Variants in STAB2 observed in about 807,000 individuals in gnomAD.
The protein encoded by STAB2 is stabilin 2.
In STAB2, 288 loss-of-function variants were observed where a neutral mutation model predicts 338.1. The observed-to-expected ratio is 0.85, with a 90% CI of 0.77 to 0.94. STAB2 has a LOEUF of 0.94. STAB2 is among the 40% of genes least tolerant of loss of function. The probability of loss-of-function intolerance (pLI) is 0.00; values close to 1 mark genes in which losing one functional copy is unlikely to be tolerated. For missense variants in STAB2, 3,141 were observed against 3,210.1 expected (o/e 0.98, Z 0.52); for synonymous variants, 1,202 against 1,193.3 (o/e 1.01, Z -0.15).
Position 103,761,409 on chromosome 12 carries a change from T to C in STAB2, c.7358T>C (p.Val2453Ala), listed in dbSNP as rs770625254. ...SRPLKAPPAP[V>A]TLTHTGLGAG... is the part of the protein sequence containing the mutation. ...CCTTTAAAAGCACCCCCTGCCCCCG[T>C]GGTGAGTATCTAGGGTCCCTGATAA... Residue 2453 changes from valine to alanine, a missense_variant and splice_region_variant, in exon 66 of 69, where the codon GTG becomes GCG. Transcript: ENST00000388887. 2 of 1,613,238 alleles carry C rather than the reference T, an allele frequency of 1.2e-6. No homozygotes were observed. Among genetic ancestry groups the C allele is most frequent in the South Asian group, 1.1e-5 (1 of 91,030 alleles).
At chr12:103,703,032 C>A in intron 34 of STAB2, 116 bp from the exon 35 acceptor site, 1 of 1,175,574 alleles carries the variant, frequency 8.5e-7, no homozygotes, top group Non-Finnish European at 1.2e-6. Context: ...ATTATATCTC[C>A]AGGTGAATAT....
At position 103,673,992 on chromosome 12, in the gene STAB2, C is replaced by A; in HGVS notation, c.2457C>A (p.Ala819=). 1 of 1,614,066 alleles carries A rather than the reference C, an allele frequency of 6.2e-7. No individual in the cohort carries two copies. The highest frequency in any genetic ancestry group is 8.5e-7 in the Non-Finnish European group (1 of 1,180,024). ...CLTGTCRDGS[A]GRLCDKQTSA... is the part of the protein sequence containing the mutation. The stretch of plus-strand genomic sequence containing the variant: ...CTGGCACATGCAGAGACGGCTCTGC[C>A]GGGAGACTCTGTGATAAGCAGACCT... The change falls in exon 23 of 69, where the codon GCC becomes GCA. Residue 819 remains alanine (A), a synonymous_variant. Coordinates refer to ENST00000388887, the MANE Select transcript of STAB2 (RefSeq NM_017564.10).
intron 9 of STAB2, among the ~76,000 whole-genome samples, chr12:103,641,192 T>G (rs1010473985): frequency 6.6e-6 from 1 of 152,218 alleles, no homozygotes; most frequent in Admixed American, 6.5e-5. Flanking sequence ...TTCACGCCTT[T>G]TATAACTGGG....
chr12:103,728,443 T>C (rs754226453), intron 47 of STAB2, among the ~76,000 whole-genome samples: 3 of 152,226 alleles, frequency 2.0e-5, no homozygotes, highest in Non-Finnish European at 4.4e-5. Flanking sequence ...TGGAGATACG[T>C]CATGATCTTC....
Position 103,712,424 on chromosome 12 carries a change from A to G in STAB2, c.4392A>G (p.Gly1464=). The G allele has an allele frequency of 6.2e-7, 1 of 1,614,024 alleles. No homozygotes were observed. The highest frequency in any genetic ancestry group is 8.5e-7 in the Non-Finnish European group (1 of 1,179,926). Residue 1464 remains glycine (G), a synonymous_variant, in exon 41 of 69, where the codon GGA becomes GGG. Coordinates refer to ENST00000388887, the MANE Select transcript of STAB2 (RefSeq NM_017564.10). ...ASCKCAAGFQ[G]NGTICTAINA... is the part of the protein sequence containing the mutation. ...GCAAGTGTGCAGCAGGATTCCAAGG[A>G]AACGGGACCATCTGCACAGGCAAGC...
At position 103,695,662 on chromosome 12, in the gene STAB2, T is replaced by A; in HGVS notation, c.3474+14T>A. ...GGCTACATCATTGCAAGTACCACAT[T>A]CTCTGCCTGACCACCATGCTCAGGT... On this transcript the variant is annotated intron_variant, in intron 32 of 68. Coordinates refer to ENST00000388887, the MANE Select transcript of STAB2 (RefSeq NM_017564.10). The A allele has an allele frequency of 6.2e-6, 10 of 1,614,174 alleles. No individual in the cohort carries two copies. The highest frequency in any genetic ancestry group is 7.6e-6 in the Non-Finnish European group (9 of 1,180,016).
intron 56 of STAB2, among the ~76,000 whole-genome samples, chr12:103,744,204 C>T (rs990141515): frequency 3.3e-5 from 5 of 151,920 alleles, no homozygotes; most frequent in Non-Finnish European, 5.9e-5. Context: ...AATACAGTGG[C>T]GGGATTATGG....
chr12:103,672,605 C>T (rs1443063161), intron 22 of STAB2, among the ~76,000 whole-genome samples: 2 of 152,210 alleles, frequency 1.3e-5, no homozygotes, highest in Non-Finnish European at 2.9e-5. Flanking sequence ...ACGAATTCCT[C>T]TCCCATGAGT....
At chr12:103,650,178 T>C (rs1253331860) in intron 10 of STAB2, among the ~76,000 whole-genome samples, 1 of 151,894 alleles carries the variant, frequency 6.6e-6, no homozygotes, top group Non-Finnish European at 1.5e-5. Flanking sequence ...AACTCAAAGT[T>C]AAGCGCAGGA....
At chr12:103,589,821 C>T (rs1027627342) in intron 1 of STAB2, among the ~76,000 whole-genome samples, 2 of 152,176 alleles carry the variant, frequency 1.3e-5, no homozygotes, top group African/African-American at 4.8e-5. Context: ...ACCTGTGATA[C>T]TTCAGACATT....
chr12:103,687,292 G>A (rs1315184891), intron 27 of STAB2, among the ~76,000 whole-genome samples: 1 of 151,852 alleles, frequency 6.6e-6, no homozygotes, highest in East Asian at 1.9e-4. Context: ...GATCCAAGAA[G>A]TGAACCCAGT....
intron 5 of STAB2, among the ~76,000 whole-genome samples, chr12:103,628,584 T>C (rs960683432): frequency 6.6e-6 from 1 of 152,230 alleles, no homozygotes; most frequent in Admixed American, 6.5e-5. Context: ...AGGTCCTTCC[T>C]TGCTTCTTTC....
chr12:103,711,808 TCA>T (rs1879887546), intron 40 of STAB2, among the ~76,000 whole-genome samples: 1 of 152,196 alleles, frequency 6.6e-6, no homozygotes, highest in Non-Finnish European at 1.5e-5. Flanking sequence ...CCAGTGGGCC[TCA>T]GTTTCCATAA....
chr12:103,652,186 TTCCCATC>T (rs749752208), intron 11 of STAB2, among the ~76,000 whole-genome samples: 9 of 152,258 alleles, frequency 5.9e-5, no homozygotes, highest in Non-Finnish European at 1.2e-4. Flanking sequence ...TCAAATTTTA[TTCCCATC>T]TGCTTTCCAT....
intron 18 of STAB2, among the ~76,000 whole-genome samples, chr12:103,665,644 C>T (rs1292023522): frequency 6.6e-6 from 1 of 152,122 alleles, no homozygotes; most frequent in Non-Finnish European, 1.5e-5. Context: ...TGTCCTCCTA[C>T]CCACCAAAAT....
At chr12:103,591,099 AAAGC>A (rs1372715008) in intron 2 of STAB2, 69 bp downstream of exon 2, 7 of 1,596,664 alleles carry the variant, frequency 4.4e-6, no homozygotes, top group Non-Finnish European at 6.0e-6. Flanking sequence ...CAAAAACTGC[AAAGC>A]ATTTCCATGA....
chr12:103,634,197 G>T (rs1957508098), intron 6 of STAB2, among the ~76,000 whole-genome samples: 1 of 151,848 alleles, frequency 6.6e-6, no homozygotes, highest in Admixed American at 6.6e-5. Flanking sequence ...GTGCGCCAAG[G>T]TGTCCCAAGG....
chr12:103,648,868 A>C (rs1446506322), intron 10 of STAB2, 45 bp downstream of exon 10: 2 of 1,599,478 alleles, frequency 1.3e-6, no homozygotes, highest in African/African-American at 2.7e-5. Context: ...GTCCTCTTTC[A>C]GGAAAGGGCA....
Position 103,695,859 on chromosome 12 carries a change from C to A in STAB2, c.3582+15C>A, listed in dbSNP as rs556502318. 6.2e-7 allele frequency: 1 copy of A among 1,609,596 alleles called. No homozygotes were observed. Among genetic ancestry groups the A allele is most frequent in the South Asian group, 1.1e-5 (1 of 90,974 alleles). On this transcript the variant is annotated intron_variant, in intron 33 of 68. Coordinates refer to ENST00000388887, the MANE Select transcript of STAB2 (RefSeq NM_017564.10). ...TCTTGTCTCTAGTAAGTGTCAAGAA[C>A]TATAACTAGGGAAGTTATTTTGTGA...
Sources: gnomAD v4.1 joint callset for allele counts (sites outside exome capture counted in the v4.1 genomes callset) on GRCh38, gnomAD v4.1.1 for gene constraint, MANE v1.5 for transcripts, NCBI Gene and HGNC (gene_info 2026-07-23, HGNC 2026-07-21) for gene names.